The following VRK2 variants were observed in gnomAD, a reference collection of about 807,000 sequenced individuals.
The protein encoded by VRK2 is VRK serine/threonine kinase 2.
VRK2 carries 60 observed loss-of-function variants against 57.6 expected under a neutral mutation model. The ratio of observed to expected loss-of-function variants is 1.04; its 90% CI spans 0.85 to 1.29. The LOEUF (loss-of-function observed/expected upper bound fraction) is 1.29, where lower values mean the gene tolerates loss of function less well. Among genes scored for constraint, VRK2 ranks in the 50% most tolerant of loss-of-function variants. The pLI is 0.00. For synonymous variants in VRK2, 231 were observed against 199.2 expected, an observed-to-expected ratio of 1.16 and a Z score of -1.35; for missense variants, 705 against 588.1, an observed-to-expected ratio of 1.20 and a Z score of -2.06.
At chr2:57,966,368 T>C (rs962896490) in intron 1 of VRK2, among the ~76,000 whole-genome samples, 1 of 152,152 alleles carries the variant, frequency 6.6e-6, no homozygotes, top group African/African-American at 2.4e-5. Flanking sequence ...ACCAGCTACA[T>C]AATTTGTTCA....
chr2:58,155,874 G>A (rs1259936368), intron 12 of VRK2, among the ~76,000 whole-genome samples: 1 of 150,618 alleles, frequency 6.6e-6, no homozygotes, highest in Non-Finnish European at 1.5e-5. Flanking sequence ...CTGTAGACCT[G>A]TCCTCCCCCA....
At chr2:57,970,405 A>G (rs1210770879) in intron 1 of VRK2, among the ~76,000 whole-genome samples, 6 of 151,450 alleles carry the variant, frequency 4.0e-5, no homozygotes, top group African/African-American at 7.2e-5. Context: ...AGAATTGTCT[A>G]TTTAAAAAGA....
chr2:58,104,495 T>C (rs1674461390), intron 7 of VRK2, among the ~76,000 whole-genome samples: 1 of 151,874 alleles, frequency 6.6e-6, no homozygotes, highest in African/African-American at 2.4e-5. Flanking sequence ...TACCTAAGAA[T>C]ATATTTAACC....
chr2:57,995,014 T>A (rs1335076608), intron 1 of VRK2, among the ~76,000 whole-genome samples: 1 of 152,150 alleles, frequency 6.6e-6, no homozygotes, highest in Non-Finnish European at 1.5e-5. Context: ...ATACAGAAAT[T>A]TAATAGGAAA....
chr2:57,940,079 G>C (rs1572885848), intron 1 of VRK2, among the ~76,000 whole-genome samples: 1 of 152,168 alleles, frequency 6.6e-6, no homozygotes, highest in East Asian at 1.9e-4. Context: ...AGGTTCTCCA[G>C]AGAAATGGAA....
intron 12 of VRK2, chr2:58,154,809 A>T (rs745323036): frequency 2.8e-6 from 2 of 717,266 alleles, no homozygotes; most frequent in South Asian, 3.0e-5. Context: ...TAATGTAAGT[A>T]TTCCATGCTA....
intron 1 of VRK2, among the ~76,000 whole-genome samples, chr2:57,966,438 T>C (rs1165195947): frequency 1.3e-5 from 2 of 152,152 alleles, no homozygotes; most frequent in African/African-American, 4.8e-5. Context: ...TATGTTTTTG[T>C]TTTTGAGTTT....
At chr2:58,093,629 A>T (rs1471393214) in intron 7 of VRK2, among the ~76,000 whole-genome samples, 2 of 152,032 alleles carry the variant, frequency 1.3e-5, no homozygotes, top group Non-Finnish European at 2.9e-5. Context: ...GTTCACTCTG[A>T]TGGTAGTTTC....
At chr2:58,004,052 AG>A (rs1333375019) in intron 1 of VRK2, among the ~76,000 whole-genome samples, 1 of 152,118 alleles carries the variant, frequency 6.6e-6, no homozygotes, top group Non-Finnish European at 1.5e-5. Context: ...AAAGATTAAT[AG>A]TTTTTGACTC....
chr2:58,108,334 T>C (rs1345472200), intron 7 of VRK2, among the ~76,000 whole-genome samples: 3 of 152,124 alleles, frequency 2.0e-5, no homozygotes, highest in South Asian at 4.1e-4. Context: ...TGTATTGTTA[T>C]ATTCTCCTAA....
At chr2:57,994,453 A>G (rs745430843) in intron 1 of VRK2, among the ~76,000 whole-genome samples, 2 of 152,232 alleles carry the variant, frequency 1.3e-5, no homozygotes, top group Non-Finnish European at 2.9e-5. Context: ...TACTGTCTAC[A>G]CAGTTCAAAG....
chr2:58,085,411 T>C (rs1671476880), intron 4 of VRK2, among the ~76,000 whole-genome samples: 1 of 151,940 alleles, frequency 6.6e-6, no homozygotes, highest in Non-Finnish European at 1.5e-5. Flanking sequence ...TTTAAGAAAA[T>C]GTTAGAAACT....
chr2:58,073,677 TTTATA>T (rs1669672011), intron 2 of VRK2, among the ~76,000 whole-genome samples: 2 of 148,038 alleles, frequency 1.4e-5, no homozygotes, highest in Non-Finnish European at 3.0e-5. Flanking sequence ...TATATTTATA[TTTATA>T]TAAAAGGGAA....
chr2:57,939,665 G>A (rs1200162797), intron 1 of VRK2, among the ~76,000 whole-genome samples: 1 of 152,172 alleles, frequency 6.6e-6, no homozygotes, highest in Non-Finnish European at 1.5e-5. Flanking sequence ...ATAGAATTAT[G>A]TGAAAGTAAA....
chr2:58,036,695 T>C (rs191009813), intron 3 of VRK2, among the ~76,000 whole-genome samples: 2 of 152,192 alleles, frequency 1.3e-5, no homozygotes, highest in East Asian at 3.9e-4. Context: ...CATTCTCATA[T>C]ATATCACGCT....
At chr2:58,043,569 C>T (rs1422697886), upstream of VRK2, among the ~76,000 whole-genome samples, 2 of 151,976 alleles carry the variant, frequency 1.3e-5, no homozygotes, top group Non-Finnish European at 2.9e-5. Flanking sequence ...TGTATTGGTG[C>T]TTTGCTCCTT....
chr2:57,958,251 T>C (rs1366039849), intron 1 of VRK2, among the ~76,000 whole-genome samples: 2 of 152,138 alleles, frequency 1.3e-5, no homozygotes, highest in Admixed American at 1.3e-4. Flanking sequence ...TTTACTTAGA[T>C]TACTTAAAAT....
chr2:58,034,585 C>T (rs1409441889), intron 3 of VRK2, among the ~76,000 whole-genome samples: 1 of 151,962 alleles, frequency 6.6e-6, no homozygotes, highest in South Asian at 2.1e-4. Context: ...TCTCCCTCTT[C>T]AGTCAAGCTC....
At chr2:57,927,041 T>G (rs1366064357) in intron 1 of VRK2, among the ~76,000 whole-genome samples, 1 of 150,214 alleles carries the variant, frequency 6.7e-6, no homozygotes, top group African/African-American at 2.4e-5. Context: ...TCTGTCGTAT[T>G]TTTTTTAGGT....
Sources: allele counts gnomAD v4.1 joint callset (sites outside exome capture counted in the v4.1 genomes callset), GRCh38; gene constraint gnomAD v4.1.1; transcripts MANE v1.5; gene names NCBI Gene and HGNC (gene_info 2026-07-23, HGNC 2026-07-21).